TNN: variants seen among roughly 807,000 people sequenced by gnomAD.
The protein encoded by TNN is tenascin N.
A neutral mutation model predicts 134.4 loss-of-function variants in TNN; 122 were observed. That is an observed-to-expected ratio of 0.91 (90% CI 0.78 to 1.06). The LOEUF (loss-of-function observed/expected upper bound fraction) is 1.06. Among genes scored for constraint, TNN ranks in the 50% least tolerant of loss-of-function variants. TNN has a pLI of 0.00. For synonymous variants in TNN, 710 were observed against 670.3 expected (o/e 1.06, Z -0.91); for missense variants, 1,739 against 1,699.4 (o/e 1.02, Z -0.41).
At chr1:175,102,187 A>C (rs1674741033) in intron 9 of TNN, among the ~76,000 whole-genome samples, 1 of 145,836 alleles carries the variant, frequency 6.9e-6, no homozygotes, top group Admixed American at 6.9e-5. Flanking sequence ...CCTGAGCTAG[A>C]TATAAAGACT....
chr1:175,135,762 G>T (rs1161248421), intron 15 of TNN, 83 bp from the exon 16 acceptor site: 1 of 1,091,566 alleles, frequency 9.2e-7, no homozygotes, highest in South Asian at 1.3e-5. Context: ...GGCAGTGTAT[G>T]AGCAAGCTCT....
At chr1:175,073,997 A>G (rs1044118675) in intron 1 of TNN, among the ~76,000 whole-genome samples, 2 of 152,256 alleles carry the variant, frequency 1.3e-5, no homozygotes, top group African/African-American at 4.8e-5. Flanking sequence ...GGCCTCGCCA[A>G]AGTCTGAGTT....
chr1:175,138,619 G>A (rs570290398), intron 17 of TNN, among the ~76,000 whole-genome samples: 2 of 152,256 alleles, frequency 1.3e-5, no homozygotes, highest in Non-Finnish European at 2.9e-5. Flanking sequence ...TGAAAAAAAA[G>A]CATTGCAGCT....
rs1675896238 is a variant in TNN, at chr1:175,139,522, A to G, written c.3595+2534A>G. Among the ~76,000 whole-genome samples the G allele has an allele frequency of 3.9e-5, 6 of 152,352 alleles. No homozygotes were observed. The South Asian group carries it at 1.2e-3, about 32-fold the overall frequency. ...CTTGTCCCGCTGGAAGGTCTTCAGG[A>G]GCAATAGCACACATGGAGCTGTCAT... On this transcript the variant is annotated intron_variant, in intron 17 of 18. Transcript: ENST00000239462.
At position 175,080,202 on chromosome 1, in the gene TNN, A is replaced by T; in HGVS notation, c.824A>T (p.Glu275Val). 2.5e-6 allele frequency: 4 copies of T among 1,614,050 alleles called. No individual in the cohort carries two copies. The highest frequency in any genetic ancestry group is 3.4e-6 in the Non-Finnish European group (4 of 1,179,990). Residue 275 changes from glutamate (E) to valine (V), a missense_variant, in exon 4 of 19, where the codon GAG becomes GTG. Glu to Val is a moderately radical substitution (Grantham distance 121, BLOSUM62 -2). Transcript: ENST00000239462. ...PQGLQLLKNT[E>V]DSLLVSWEPS... Reference sequence around the variant, plus strand: ...GGCCTGCAGCTGCTCAAGAACACGGAGGATTCTCTGCTGGTGAGCTGGGAG... The same window carrying T: ...GGCCTGCAGCTGCTCAAGAACACGGTGGATTCTCTGCTGGTGAGCTGGGAG...
rs1404696114 is a variant in TNN at position 175,128,177 on chromosome 1, C to T, written c.3178+13C>T. ...ACCCTCTCCACAGGTAATATGGAAT[C>T]CTGTACTCTGAACGACCGTGCAATG... On this transcript the variant is annotated intron_variant, in intron 14 of 18. Transcript: ENST00000239462. 6.3e-7 allele frequency: 1 copy of T among 1,582,134 alleles called. No individual in the cohort carries two copies. The highest frequency in any genetic ancestry group is 1.8e-5 in the Admixed American group (1 of 55,214).
chr1:175,105,113 G>T lies in TNN; in HGVS notation c.2119+6518G>T, dbSNP rs1217656184. Among the ~76,000 whole-genome samples the T allele has an allele frequency of 1.4e-5, 2 of 145,932 alleles. 1 individual carries two copies. The highest frequency in any genetic ancestry group is 3.0e-5 in the Non-Finnish European group (2 of 65,792). On this transcript the variant is annotated intron_variant, in intron 9 of 18. Coordinates refer to ENST00000239462, the MANE Select transcript of TNN (RefSeq NM_022093.2). ...GGTATCTCCAAACTCTCAGGCTGCA[G>T]CTAAAGCCGCATTCTTTTCATTAAA...
intron 9 of TNN, among the ~76,000 whole-genome samples, chr1:175,109,620 C>A (rs1421572956): frequency 2.7e-5 from 4 of 150,548 alleles, no homozygotes; most frequent in Admixed American, 2.0e-4. Flanking sequence ...GGATTTTATT[C>A]CTTTTTATGG....
chr1:175,127,999 C>A, intron 13 of TNN, 33 bp from the exon 14 acceptor site: 1 of 1,613,734 alleles, frequency 6.2e-7, no homozygotes, highest in South Asian at 1.1e-5. Context: ...TAAACTGAGT[C>A]ACTGGCTGTC....
chr1:175,071,388 C>T (rs1248985145), intron 1 of TNN, among the ~76,000 whole-genome samples: 1 of 152,170 alleles, frequency 6.6e-6, no homozygotes, highest in Non-Finnish European at 1.5e-5. Context: ...TTGGCCAAGG[C>T]TTGGATGCCA....
chr1:175,144,442 T>G lies in TNN; in HGVS notation c.3651T>G (p.Asn1217Lys). The G allele has an allele frequency of 6.2e-7, 1 of 1,614,176 alleles. No individual in the cohort carries two copies. The highest frequency in any genetic ancestry group is 8.5e-7 in the Non-Finnish European group (1 of 1,180,022). ...GWKFTTFDRD[N>K]DIALSNCALT... ...AGTTTACAACTTTTGACAGAGACAATGATATCGCACTCAGCAACTGTGCCC... is the reference window on the plus strand; with the variant it reads ...AGTTTACAACTTTTGACAGAGACAAGGATATCGCACTCAGCAACTGTGCCC... The change falls in exon 18 of 19, where the codon AAT becomes AAG. Residue 1217 changes from asparagine (N) to lysine (K), a missense_variant. Transcript: ENST00000239462.
At chr1:175,093,639 C>G (rs961235337) in intron 6 of TNN, among the ~76,000 whole-genome samples, 2 of 152,232 alleles carry the variant, frequency 1.3e-5, no homozygotes, top group Middle Eastern at 3.4e-3. Context: ...AATGATGACT[C>G]TTCTTGAATA....
chr1:175,094,103 G>C lies in TNN; in HGVS notation c.1438G>C (p.Ala480Pro). The change falls in exon 7 of 19, where the codon GCT becomes CCT. Residue 480 changes from alanine (A) to proline (P), a missense_variant. Ala to Pro is a conservative substitution (Grantham distance 27). Coordinates refer to ENST00000239462, the MANE Select transcript of TNN (RefSeq NM_022093.2). ...IDKYVVRYTS[A>P]DGDTKEMAVH... ...CAAGTATGTAGTGCGCTACACTTCT[G>C]CTGATGGGGACACCAAGGAAATGGC... 6.2e-7 allele frequency: 1 copy of C among 1,614,218 alleles called. No homozygotes were observed. The highest frequency in any genetic ancestry group is 1.1e-5 in the South Asian group (1 of 91,082).
intron 5 of TNN, among the ~76,000 whole-genome samples, chr1:175,084,989 C>T (rs904141674): frequency 1.3e-5 from 2 of 152,046 alleles, no homozygotes; most frequent in Non-Finnish European, 2.9e-5. Flanking sequence ...GAGATCCTGT[C>T]TCTAATAAAA....
chr1:175,101,434 T>C (rs192756024), intron 9 of TNN, among the ~76,000 whole-genome samples: 5,517 of 150,804 alleles, frequency 0.037, 118 homozygotes, highest in Middle Eastern at 0.099. Flanking sequence ...TAGCAAGATT[T>C]ATTGCAAAGA....
Position 175,083,909 on chromosome 1 carries a change from ACCCCAAGAG to A in TNN, c.1211_1219del (p.Pro404_Ser406del). On this transcript the variant is annotated inframe_deletion, in exon 5 of 19. Coordinates refer to ENST00000239462, the MANE Select transcript of TNN (RefSeq NM_022093.2). ...GAGGTCACTGTGCCCAAGAGCAGTG[ACCCCAAGAG>A]CCGATATGACATCACTGGTAAGAGC... 1 of 1,613,852 alleles carries A rather than the reference ACCCCAAGAG, an allele frequency of 6.2e-7. No individual in the cohort carries two copies. The highest frequency in any genetic ancestry group is 8.5e-7 in the Non-Finnish European group (1 of 1,179,960).
At chr1:175,122,702 G>A (rs1349252489) in intron 11 of TNN, among the ~76,000 whole-genome samples, 1 of 152,350 alleles carries the variant, frequency 6.6e-6, no homozygotes, top group East Asian at 1.9e-4. Flanking sequence ...GGATTGATTG[G>A]AGAGTGAGCA....
chr1:175,122,640 T>C (rs1249359274), intron 11 of TNN, among the ~76,000 whole-genome samples: 1 of 152,194 alleles, frequency 6.6e-6, no homozygotes, highest in African/African-American at 2.4e-5. Flanking sequence ...ACGGATGTTG[T>C]TGGTGACTTA....
chr1:175,144,562 GT>G lies in TNN; in HGVS notation c.3759+13del. 1.2e-6 allele frequency: 2 copies of G among 1,613,446 alleles called. No homozygotes were observed. Among genetic ancestry groups the G allele is most frequent in the Non-Finnish European group, 1.7e-6 (2 of 1,179,632 alleles). On this transcript the variant is annotated intron_variant, in intron 18 of 18. Transcript: ENST00000239462. ...CCAAGCACAGTGAGGTAGGTGACAG[GT>G]GAATGTCTTTTCTGTCCCAGGGTAT...
Sources: gnomAD v4.1 joint callset for allele counts (sites outside exome capture counted in the v4.1 genomes callset) on GRCh38, gnomAD v4.1.1 for gene constraint, MANE v1.5 for transcripts, NCBI Gene and HGNC (gene_info 2026-07-23, HGNC 2026-07-21) for gene names.